Variants in NIN observed in about 807,000 individuals in gnomAD.
The protein encoded by NIN is glycogen synthase kinase 3 beta-interacting protein.
In NIN, 137 loss-of-function variants were observed where a neutral mutation model predicts 257.6. The observed-to-expected ratio is 0.53, with a 90% CI of 0.46 to 0.61. The LOEUF (loss-of-function observed/expected upper bound fraction) is 0.61. NIN is among the 20% of genes least tolerant of loss of function. The pLI is 0.00. For missense variants in NIN, 2,439 were observed against 2,501.2 expected, an observed-to-expected ratio of 0.98 and a Z score of 0.53; for synonymous variants, 918 against 919.8, an observed-to-expected ratio of 1.00 and a Z score of 0.04.
At chr14:50,734,119 C>T (rs181757232) in intron 28 of NIN, among the ~76,000 whole-genome samples, 27 of 149,628 alleles carry the variant, frequency 1.8e-4, no homozygotes, top group Admixed American at 5.3e-4. Flanking sequence ...AGATGGAGTC[C>T]GGCATTGTTG....
chr14:50,768,778 T>C lies in NIN; in HGVS notation c.1434+1610A>G, dbSNP rs577043557. On this transcript the variant is annotated intron_variant, in intron 12 of 30. Transcript: ENST00000530997. ...AACGGATATTTAGCTAAGTAACTGGTAGCCATATGGAGGTGGAAGAGATGG... is the reference window on the plus strand; with the variant it reads ...AACGGATATTTAGCTAAGTAACTGGCAGCCATATGGAGGTGGAAGAGATGG... Among the ~76,000 whole-genome samples, 4 of 152,310 alleles carry C rather than the reference T, an allele frequency of 2.6e-5. No homozygotes were observed. In the South Asian group the frequency reaches 8.3e-4, roughly 32 times the overall value.
Position 50,792,721 on chromosome 14 carries a change from G to A in NIN, c.426C>T (p.Asp142=). The A allele has an allele frequency of 6.2e-7, 1 of 1,614,166 alleles. No individual in the cohort carries two copies. ...ATGCCCGATTCCTTACCTCACTGCAGTCACCGGCTGGGATGTGTGAAGGCC... is the reference window on the plus strand; with the variant it reads ...ATGCCCGATTCCTTACCTCACTGCAATCACCGGCTGGGATGTGTGAAGGCC... ...EARPSHIPAG[D]CSEHWKTQRS... is the part of the protein sequence containing the mutation. The change falls in exon 5 of 31, where the codon GAC becomes GAT. Residue 142 remains aspartate (D), a synonymous_variant. Coordinates refer to ENST00000530997, the MANE Select transcript of NIN (RefSeq NM_020921.4).
intron 27 of NIN, among the ~76,000 whole-genome samples, chr14:50,737,646 G>GT (rs35662853): frequency 0.017 from 2,296 of 137,026 alleles, 48 homozygotes; most frequent in Admixed American, 0.078. Context: ...TTTTGTTGTT[G>GT]TTTTTTTTTT....
chr14:50,738,434 T>TC (rs937261748), intron 26 of NIN, 148 bp from the exon 27 acceptor site: 3 of 723,122 alleles, frequency 4.1e-6, no homozygotes, highest in Non-Finnish European at 6.7e-6. Context: ...AAGCTAGCTT[T>TC]TCTGGATTTC....
Position 50,744,943 on chromosome 14 carries a change from C to A in NIN, c.5065-578G>T, listed in dbSNP as rs138668309. On this transcript the variant is annotated intron_variant, in intron 22 of 30. Coordinates refer to ENST00000530997, the MANE Select transcript of NIN (RefSeq NM_020921.4). ...CTGTCTCCAAAACAAAACAAAAAAA[C>A]CCCCTAGAATTGGCATGAACCACAT... is the stretch of plus-strand genomic sequence containing the variant. Among the ~76,000 whole-genome samples the A allele has an allele frequency of 7.6e-3, 1,158 of 152,042 alleles. 4 individuals are homozygous for A. Among genetic ancestry groups the A allele is most frequent in the Admixed American group, 0.013 (200 of 15,252 alleles).
In NIN at chr14:50,818,318, C is replaced by CA. The variant is rs5808573; in HGVS notation, c.183+3555dup. Among the ~76,000 whole-genome samples the CA allele has an allele frequency of 5.0e-3, 410 of 81,620 alleles. 8 individuals are homozygous for CA. Among genetic ancestry groups the CA allele is most frequent in the African/African-American group, 0.015 (331 of 22,194 alleles). The allele number at this position is 81,620 out of a possible 152,430, so 53.5% of individuals were successfully genotyped here. A position where few individuals can be genotyped will look rare whatever the true frequency, so the allele number is the denominator to read the frequency against. The stretch of plus-strand genomic sequence containing the variant: ...AGCCTGGGCGACGGCGAGACTCTGT[C>CA]AAAAAAAAAAAAAAAAAAAAACACT... On this transcript the variant is annotated intron_variant, in intron 3 of 30. Transcript: ENST00000530997.
intron 20 of NIN, among the ~76,000 whole-genome samples, chr14:50,754,103 A>C (rs896418701): frequency 1.6e-4 from 24 of 152,232 alleles, no homozygotes; most frequent in African/African-American, 5.3e-4. Flanking sequence ...AGATTATACA[A>C]ATTGAGCACT....
At chr14:50,795,536 G>A (rs1243612903) in intron 4 of NIN, among the ~76,000 whole-genome samples, 1 of 152,186 alleles carries the variant, frequency 6.6e-6, no homozygotes, top group Non-Finnish European at 1.5e-5. Flanking sequence ...GTTAAAGAAT[G>A]CCTTGACCCT....
chr14:50,791,561 A>G (rs1481253218), intron 5 of NIN, among the ~76,000 whole-genome samples: 1 of 151,962 alleles, frequency 6.6e-6, no homozygotes, highest in Admixed American at 6.5e-5. Context: ...GTTTTTTTAA[A>G]AAAAAATGAT....
chr14:50,771,257 C>T, intron 10 of NIN, 75 bp downstream of exon 10: 1 of 1,524,024 alleles, frequency 6.6e-7, no homozygotes, highest in East Asian at 2.3e-5. Context: ...GAAGGATGTC[C>T]ATCCAAGGCA....
chr14:50,781,117 G>C (rs193215083), intron 5 of NIN, among the ~76,000 whole-genome samples: 19 of 151,892 alleles, frequency 1.3e-4, no homozygotes, highest in Non-Finnish European at 1.9e-4. Context: ...ATACTACTTC[G>C]GCATCCAAAA....
intron 25 of NIN, among the ~76,000 whole-genome samples, chr14:50,740,590 C>T (rs187472406): frequency 9.2e-5 from 14 of 152,096 alleles, no homozygotes; most frequent in East Asian, 3.9e-4. Context: ...CCTCGTGATC[C>T]GCCCGCCTAG....
chr14:50,788,218 A>G (rs2043428141), intron 5 of NIN, among the ~76,000 whole-genome samples: 1 of 152,194 alleles, frequency 6.6e-6, no homozygotes, highest in Non-Finnish European at 1.5e-5. Flanking sequence ...AAGGTGGCAG[A>G]TCATTTGCTA....
chr14:50,794,566 T>C (rs2043750940), intron 4 of NIN: 1 of 608,714 alleles, frequency 1.6e-6, no homozygotes, highest in Non-Finnish European at 2.1e-6. Context: ...CCTTAATTTA[T>C]TACATATTCT....
At chr14:50,787,740 T>C (rs1207759330) in intron 5 of NIN, among the ~76,000 whole-genome samples, 1 of 152,218 alleles carries the variant, frequency 6.6e-6, no homozygotes, top group African/African-American at 2.4e-5. Context: ...AGCCTCATGG[T>C]GGGACCTACC....
intron 5 of NIN, among the ~76,000 whole-genome samples, chr14:50,783,520 T>TG (rs1355965817): frequency 6.6e-6 from 1 of 152,112 alleles, no homozygotes; most frequent in Non-Finnish European, 1.5e-5. Context: ...CAGTTAGAGA[T>TG]GGGGCTTACC....
chr14:50,816,545 AT>A (rs2142357030), intron 3 of NIN, among the ~76,000 whole-genome samples: 1 of 152,276 alleles, frequency 6.6e-6, no homozygotes, highest in African/African-American at 2.4e-5. Flanking sequence ...GCAGATATGT[AT>A]TCAAATGCAG....
chr14:50,793,142 T>C (rs2043675054), intron 4 of NIN, among the ~76,000 whole-genome samples: 1 of 152,132 alleles, frequency 6.6e-6, no homozygotes, highest in Non-Finnish European at 1.5e-5. Context: ...GGATCTGACT[T>C]AATTGCAGAG....
chr14:50,813,105 C>G (rs767061905), intron 3 of NIN, among the ~76,000 whole-genome samples: 5 of 152,298 alleles, frequency 3.3e-5, no homozygotes, highest in Admixed American at 2.0e-4. Flanking sequence ...GTGGAAAAGC[C>G]CCTTAGGACA....
Sources: allele counts gnomAD v4.1 joint callset (sites outside exome capture counted in the v4.1 genomes callset), GRCh38; gene constraint gnomAD v4.1.1; transcripts MANE v1.5; gene names NCBI Gene and HGNC (gene_info 2026-07-23, HGNC 2026-07-21).